Variants in MOCOS observed in about 807,000 individuals in gnomAD.
The protein encoded by MOCOS is human molybdenum cofactor sulfurase.
A neutral mutation model predicts 83.6 loss-of-function variants in MOCOS; 86 were observed. The ratio of observed to expected loss-of-function variants is 1.03; its 90% confidence interval spans 0.86 to 1.23. MOCOS has a LOEUF of 1.23. MOCOS is among the 50% of genes most tolerant of loss of function. MOCOS has a pLI of 0.00. For missense variants in MOCOS, 1,120 were observed against 1,126.9 expected (o/e 0.99, Z 0.09); for synonymous variants, 445 against 434.7 (o/e 1.02, Z -0.29).
In MOCOS at chr18:36,198,879, G is replaced by A. The variant is rs894338831; in HGVS notation, c.299+123G>A. 11 of 969,970 alleles carry A rather than the reference G, an allele frequency of 1.1e-5. No homozygotes were observed. In the Admixed American group the frequency reaches 2.1e-4, roughly 19 times the overall value. 60.1% of individuals were successfully genotyped at this position (969,970 alleles called of 1,614,324 possible). ...CAGGAGGATCACAGTTGGCTAAAAGGCAATGCATGTATGTTGAGAAACATC... is the reference window on the plus strand; with the variant it reads ...CAGGAGGATCACAGTTGGCTAAAAGACAATGCATGTATGTTGAGAAACATC... On this transcript the variant is annotated intron_variant, in intron 3 of 14. Coordinates refer to ENST00000261326, the MANE Select transcript of MOCOS (RefSeq NM_017947.4).
At chr18:36,213,526 C>T (rs370600389) in intron 7 of MOCOS, 44 bp downstream of exon 7, 4 of 1,516,024 alleles carry the variant, frequency 2.6e-6, no homozygotes, top group African/African-American at 2.7e-5. Flanking sequence ...CAGCGAGACC[C>T]AGCAACACCT....
At chr18:36,245,718 T>G (rs979276024) in intron 9 of MOCOS, among the ~76,000 whole-genome samples, 1 of 152,178 alleles carries the variant, frequency 6.6e-6, no homozygotes, top group Non-Finnish European at 1.5e-5. Flanking sequence ...CTCAAATAAG[T>G]TTTCCAAAGT....
rs201906396 is a variant in MOCOS at position 36,199,691 on chromosome 18, C to T, written c.308C>T (p.Ala103Val). 14 of 1,613,612 alleles carry T rather than the reference C, an allele frequency of 8.7e-6. No individual in the cohort carries two copies. In the East Asian group the frequency reaches 1.3e-4, roughly 15 times the overall value. The change falls in exon 4 of 15, where the codon GCG becomes GTG. Residue 103 changes from alanine to valine, a missense_variant. Coordinates refer to ENST00000261326, the MANE Select transcript of MOCOS (RefSeq NM_017947.4). ...TGCTGTGCTTCTTCCAGAATCCTGG[C>T]GCACTTCCACACCACCGCAGAAGAC... The part of the protein sequence containing the change: ...TVEQVRYRIL[A>V]HFHTTAEDYT...
intron 9 of MOCOS, among the ~76,000 whole-genome samples, chr18:36,220,719 G>A (rs565426420): frequency 2.6e-5 from 4 of 152,016 alleles, no homozygotes; most frequent in Non-Finnish European, 5.9e-5. Context: ...TCAAAAGTTC[G>A]AGACCAGACT....
At chr18:36,247,219 A>G (rs893921178) in intron 9 of MOCOS, among the ~76,000 whole-genome samples, 6 of 152,140 alleles carry the variant, frequency 3.9e-5, no homozygotes, top group Admixed American at 3.9e-4. Context: ...CCCCAGCAGC[A>G]CTGAGGTTTC....
chr18:36,195,253 T>C lies in MOCOS; in HGVS notation c.143-4T>C. ...TTTAGTATTTATTTTGTGTTTTCTT[T>C]CAGGAACTGTCTATCTTGACCATGC... is the stretch of plus-strand genomic sequence containing the variant. On this transcript the variant is annotated splice_region_variant and splice_polypyrimidine_tract_variant and intron_variant, in intron 1 of 14. Coordinates refer to ENST00000261326, the MANE Select transcript of MOCOS (RefSeq NM_017947.4). The C allele has an allele frequency of 6.2e-7, 1 of 1,613,762 alleles. No individual in the cohort carries two copies. The highest frequency in any genetic ancestry group is 8.5e-7 in the Non-Finnish European group (1 of 1,179,630).
intron 8 of MOCOS, among the ~76,000 whole-genome samples, chr18:36,219,687 A>G (rs1270657917): frequency 6.6e-6 from 1 of 152,186 alleles, no homozygotes; most frequent in Non-Finnish European, 1.5e-5. Context: ...TTAAAAACAA[A>G]CAAACAAACA....
At chr18:36,209,585 T>C (rs1358415719) in intron 6 of MOCOS, among the ~76,000 whole-genome samples, 1 of 152,036 alleles carries the variant, frequency 6.6e-6, no homozygotes, top group East Asian at 1.9e-4. Context: ...TGAGAACATA[T>C]GATATTTGAT....
Position 36,271,565 on chromosome 18 carries a change from A to G in MOCOS, c.*2880A>G, listed in dbSNP as rs910105224. 2 of 152,168 alleles carry G rather than the reference A, an allele frequency of 1.3e-5. No individual in the cohort carries two copies. The highest frequency in any genetic ancestry group is 2.1e-4 in the South Asian group (1 of 4,828). 9.4% of individuals were successfully genotyped at this position (152,168 alleles called of 1,614,324 possible). A position where few individuals can be genotyped will look rare whatever the true frequency, so the allele number is the denominator to read the frequency against. ...CAGCCTTATGTGCTTCTCAAAGTGT[A>G]TAACAAAATCAAAGACAATGTCATG... On this transcript the variant is annotated 3_prime_UTR_variant, in exon 15 of 15. Transcript: ENST00000261326.
At chr18:36,243,600 G>C (rs2091592113) in intron 9 of MOCOS, among the ~76,000 whole-genome samples, 1 of 151,944 alleles carries the variant, frequency 6.6e-6, no homozygotes, top group Non-Finnish European at 1.5e-5. Flanking sequence ...TCCTTTCCTG[G>C]TTTTGGTATT....
intron 8 of MOCOS, among the ~76,000 whole-genome samples, chr18:36,218,603 CT>C (rs1324621317): frequency 1.3e-5 from 2 of 152,088 alleles, no homozygotes; most frequent in Non-Finnish European, 2.9e-5. Context: ...CAGTTTTGAA[CT>C]CCTGGTCTCA....
chr18:36,212,256 A>G lies in MOCOS; in HGVS notation c.1219-1110A>G, dbSNP rs908243453. On this transcript the variant is annotated intron_variant, in intron 6 of 14. Coordinates refer to ENST00000261326, the MANE Select transcript of MOCOS (RefSeq NM_017947.4). Reference sequence around the variant, plus strand: ...TTCCCACACTGTAGCCATGAGCTGCATAAAATGGTTGTTGTTTTATTCTCC... The same window carrying G: ...TTCCCACACTGTAGCCATGAGCTGCGTAAAATGGTTGTTGTTTTATTCTCC... Among the ~76,000 whole-genome samples, 40 of 152,262 alleles carry G rather than the reference A, an allele frequency of 2.6e-4. 1 individual carries two copies. Among genetic ancestry groups the G allele is most frequent in the Admixed American group, 1.3e-4 (2 of 15,280 alleles).
chr18:36,232,598 T>C (rs958564258), intron 9 of MOCOS, among the ~76,000 whole-genome samples: 4 of 152,116 alleles, frequency 2.6e-5, no homozygotes, highest in African/African-American at 9.7e-5. Context: ...TCCTCCTATA[T>C]ACCTGTAATT....
chr18:36,189,774 G>T (rs2091357781), intron 1 of MOCOS: 1 of 152,222 alleles, frequency 6.6e-6, no homozygotes, highest in Non-Finnish European at 1.5e-5. Flanking sequence ...CTTTCCTGAA[G>T]AAGGTCTGAT....
intron 9 of MOCOS, among the ~76,000 whole-genome samples, chr18:36,226,599 A>G (rs1170631490): frequency 6.6e-6 from 1 of 151,640 alleles, no homozygotes; most frequent in East Asian, 1.9e-4. Flanking sequence ...TTAGTCTTAT[A>G]GTTCTTTTGT....
chr18:36,191,284 C>T (rs144134649), intron 1 of MOCOS, among the ~76,000 whole-genome samples: 2 of 152,290 alleles, frequency 1.3e-5, no homozygotes, highest in African/African-American at 4.8e-5. Context: ...TGGACTGATA[C>T]AACATTTAGT....
rs777225040 is a variant in MOCOS at position 36,203,143 on chromosome 18, T to C, written c.972T>C (p.Asp324=). The change falls in exon 5 of 15, where the codon GAT becomes GAC. Residue 324 remains aspartate (D), a synonymous_variant. Coordinates refer to ENST00000261326, the MANE Select transcript of MOCOS (RefSeq NM_017947.4). ...RFEDGTISFL[D]VIALKHGFDT... Reference sequence around the variant, plus strand: ...AAGATGGCACCATCTCATTCCTTGATGTTATCGCGCTAAAACATGGATTTG... The same window carrying C: ...AAGATGGCACCATCTCATTCCTTGACGTTATCGCGCTAAAACATGGATTTG... 32 of 1,614,094 alleles carry C rather than the reference T, an allele frequency of 2.0e-5. No homozygotes were observed. Among genetic ancestry groups the C allele is most frequent in the Non-Finnish European group, 2.7e-5 (32 of 1,180,042 alleles).
At chr18:36,262,777 A>T (rs1253939144) in intron 13 of MOCOS, among the ~76,000 whole-genome samples, 6 of 152,232 alleles carry the variant, frequency 3.9e-5, no homozygotes. Flanking sequence ...GATTATAGGC[A>T]TAGGCCACCA....
chr18:36,207,766 T>G (rs1202433432), intron 6 of MOCOS, among the ~76,000 whole-genome samples: 3 of 152,218 alleles, frequency 2.0e-5, no homozygotes, highest in Non-Finnish European at 4.4e-5. Flanking sequence ...TGTTGATAGT[T>G]TCTTTTGCTG....
Sources: allele counts gnomAD v4.1 joint callset (sites outside exome capture counted in the v4.1 genomes callset), GRCh38; gene constraint gnomAD v4.1.1; transcripts MANE v1.5; gene names NCBI Gene and HGNC (gene_info 2026-07-23, HGNC 2026-07-21).